The following LIX1L variants were observed in gnomAD, a reference collection of about 807,000 sequenced individuals.
LIX1L encodes LIX1-like protein.
Under a neutral mutation model 34.0 loss-of-function variants are expected in LIX1L, and 20 were observed. The observed-to-expected ratio is 0.59, with a 90% CI of 0.41 to 0.85. The LOEUF is 0.85. LIX1L is among the 40% of genes least tolerant of loss of function. The probability of loss-of-function intolerance (pLI) is 0.00; values close to 1 mark genes in which losing one functional copy is unlikely to be tolerated. For synonymous variants in LIX1L, 170 were observed against 187.4 expected (o/e 0.91, Z 0.76); for missense variants, 397 against 447.0 (o/e 0.89, Z 1.01).
intron 1 of LIX1L, 53 bp from the exon 2 acceptor site, chr1:145,947,835 G>C (rs1483499194): frequency 5.8e-6 from 9 of 1,538,974 alleles, no homozygotes; most frequent in South Asian, 1.1e-5. Context: ...CCTCCACGTG[G>C]TGCTATACTT....
rs141096555 is a variant in LIX1L, at chr1:145,937,851, G to C, written c.598-152C>G. ...AAGTAAAAATAAAGAGGTAAGTCCA[G>C]GTGCAGTGGCTCATGCCTGTAATCC... On this transcript the variant is annotated intron_variant, in intron 3 of 5. Coordinates refer to ENST00000604000, the MANE Select transcript of LIX1L (RefSeq NM_153713.3). 2.7e-3 allele frequency: 1,619 copies of C among 603,504 alleles called. 12 individuals are homozygous for C. Among genetic ancestry groups the C allele is most frequent in the Non-Finnish European group, 2.3e-3 (766 of 326,808 alleles). The allele number at this position is 603,504 out of a possible 1,614,324, so 37.4% of individuals were successfully genotyped here. A position where few individuals can be genotyped will look rare whatever the true frequency, so the allele number is the denominator to read the frequency against.
rs1390067096 is a variant in LIX1L, at chr1:145,957,818, G to T, written c.110C>A (p.Thr37Lys). 4 of 1,393,796 alleles carry T rather than the reference G, an allele frequency of 2.9e-6. No homozygotes were observed. Among genetic ancestry groups the T allele is most frequent in the Non-Finnish European group, 3.7e-6 (4 of 1,076,154 alleles). The allele number at this position is 1,393,796 out of a possible 1,614,324, so 86.3% of individuals were successfully genotyped here. ...GVTGAAAATA[T>K]PPAGPPPAPP... ...GGCAGGCGGGGGGCCCGCAGGGGGT[G>T]TGGCGGTGGCGGCCGCGGCCCCAGT... The change falls in exon 1 of 6, where the codon ACA becomes AAA. Residue 37 changes from threonine (T) to lysine (K), a missense_variant. By Grantham distance (78) the Thr-to-Lys change is moderately conservative. Transcript: ENST00000604000.
intron 2 of LIX1L, chr1:145,944,496 A>G (rs587658739): frequency 2.0e-5 from 3 of 152,352 alleles, no homozygotes; most frequent in African/African-American, 7.2e-5. Flanking sequence ...AAGTCTTCCC[A>G]GTGCTTCAAT....
chr1:145,957,776 G>T lies in LIX1L; in HGVS notation c.152C>A (p.Pro51Gln). 7.5e-7 allele frequency: 1 copy of T among 1,340,582 alleles called. No homozygotes were observed. Among genetic ancestry groups the T allele is most frequent in the South Asian group, 2.0e-5 (1 of 49,400 alleles). The allele number at this position is 1,340,582 out of a possible 1,614,324, so 83.0% of individuals were successfully genotyped here. ...GPPPAPPPPA[P>Q]PPPPLLLSGA... ...AGACAGGAGCAGCGGCGGCGGGGGCGGTGCGGGAGGCGGCGGGGCAGGCGG... is the reference window on the plus strand; with the variant it reads ...AGACAGGAGCAGCGGCGGCGGGGGCTGTGCGGGAGGCGGCGGGGCAGGCGG... The change falls in exon 1 of 6, where the codon CCG (proline) becomes CAG (glutamine). Residue 51 changes from proline to glutamine, a missense_variant. By Grantham distance (76) the Pro-to-Gln change is moderately conservative. Around this residue, in one of 3 missense-constraint regions of LIX1L, gnomAD observed 207 missense variants for 205.2 expected, o/e 1.01. Transcript: ENST00000604000.
chr1:145,936,749 A>G (rs1275751348), intron 5 of LIX1L, among the ~76,000 whole-genome samples, 159 bp downstream of exon 5: 1 of 152,164 alleles, frequency 6.6e-6, no homozygotes, highest in East Asian at 1.9e-4. Flanking sequence ...ATATTTACAC[A>G]GGAAAGATTA....
At position 145,933,775 on chromosome 1, in the gene LIX1L, G is replaced by T. The variant is rs1553757275; in HGVS notation, c.*2535C>A. The T allele has an allele frequency of 6.6e-6, 1 of 151,942 alleles. No individual in the cohort carries two copies. The highest frequency in any genetic ancestry group is 6.6e-5 in the Admixed American group (1 of 15,238). 9.4% of individuals were successfully genotyped at this position (151,942 alleles called of 1,614,324 possible). Reference sequence around the variant, plus strand: ...GTGTTTCATGGAATACAAACATGGGGCTTCTACCCCAGCTCTCTTCTGATT... The same window carrying T: ...GTGTTTCATGGAATACAAACATGGGTCTTCTACCCCAGCTCTCTTCTGATT... On this transcript the variant is annotated 3_prime_UTR_variant, in exon 6 of 6. Coordinates refer to ENST00000604000, the MANE Select transcript of LIX1L (RefSeq NM_153713.3).
chr1:145,935,181 A>C lies in LIX1L; in HGVS notation c.*1129T>G, dbSNP rs1553757594. ...GACTCTGTCTTCCAAAAAAAAAAAA[A>C]AACCACACACACACACAAATAACTG... On this transcript the variant is annotated 3_prime_UTR_variant, in exon 6 of 6. Transcript: ENST00000604000. 1 of 151,976 alleles carries C rather than the reference A, an allele frequency of 6.6e-6. No individual in the cohort carries two copies. Among genetic ancestry groups the C allele is most frequent in the African/African-American group, 2.4e-5 (1 of 41,334 alleles). 9.4% of individuals were successfully genotyped at this position (151,976 alleles called of 1,614,324 possible). A position where few individuals can be genotyped will look rare whatever the true frequency, so the allele number is the denominator to read the frequency against.
At chr1:145,945,275 T>C (rs1319387256) in intron 2 of LIX1L, among the ~76,000 whole-genome samples, 14 of 128,390 alleles carry the variant, frequency 1.1e-4, no homozygotes, top group African/African-American at 4.3e-4. Flanking sequence ...CACTCCAGCC[T>C]GGGCGACAGA....
intron 5 of LIX1L, 73 bp downstream of exon 5, chr1:145,936,835 T>A (rs939116833): frequency 1.0e-5 from 11 of 1,077,280 alleles, no homozygotes; most frequent in African/African-American, 1.5e-5. Context: ...ATTTCTAACA[T>A]AGTAACCACC....
intron 2 of LIX1L, among the ~76,000 whole-genome samples, chr1:145,944,847 G>A (rs1553759044): frequency 6.6e-6 from 1 of 151,988 alleles, no homozygotes. Context: ...AGGAAACATG[G>A]CAAAACTCCA....
chr1:145,948,573 G>T lies in LIX1L; in HGVS notation c.293-791C>A, dbSNP rs1649185848. On this transcript the variant is annotated intron_variant, in intron 1 of 5. Transcript: ENST00000604000. This position sits in a 1 kb window ranked among gnomAD's most constrained non-coding sequence, Gnocchi z 4.0. ...GAGTGAGAGAAGCCAGGGCATGGGG[G>T]TGGGAGAGAAAACTCTTTTGAGGCT... Among the ~76,000 whole-genome samples, 1 of 152,174 alleles carries T rather than the reference G, an allele frequency of 6.6e-6. No homozygotes were observed. The highest frequency in any genetic ancestry group is 2.4e-5 in the African/African-American group (1 of 41,446).
intron 3 of LIX1L, among the ~76,000 whole-genome samples, chr1:145,938,583 C>CA (rs1648759689): frequency 8.2e-6 from 1 of 121,996 alleles, no homozygotes; most frequent in Non-Finnish European, 1.9e-5. Context: ...ATAAAAATTT[C>CA]CTTTTTTTTT....
chr1:145,936,386 C>A lies in LIX1L; in HGVS notation c.938G>T (p.Arg313Leu). The change falls in exon 6 of 6, where the codon CGC becomes CTC. Residue 313 changes from arginine (R) to leucine (L), a missense_variant. Arg to Leu is a moderately radical substitution (Grantham distance 102, BLOSUM62 -2). Around this residue, in one of 3 missense-constraint regions of LIX1L, gnomAD observed 174 missense variants for 204.0 expected, o/e 0.85. Coordinates refer to ENST00000604000, the MANE Select transcript of LIX1L (RefSeq NM_153713.3). ...DEARLAGKEL[R>L]FHKEKKDILV... ...AATATCTTTCTTCTCCTTGTGGAAG[C>A]GCAGCTCCTTGCCTGCCAGTCGGGC... 6.2e-7 allele frequency: 1 copy of A among 1,614,158 alleles called. No individual in the cohort carries two copies. Among genetic ancestry groups the A allele is most frequent in the South Asian group, 1.1e-5 (1 of 91,082 alleles).
At chr1:145,939,638 CTT>C (rs587705670) in intron 3 of LIX1L, among the ~76,000 whole-genome samples, 23 of 132,712 alleles carry the variant, frequency 1.7e-4, no homozygotes, top group Non-Finnish European at 2.1e-4. Flanking sequence ...TTTTCTTTTT[CTT>C]TTTTTTTTTT....
chr1:145,956,473 G>C (rs1008243255), intron 1 of LIX1L, among the ~76,000 whole-genome samples: 5 of 152,140 alleles, frequency 3.3e-5, no homozygotes, highest in African/African-American at 1.2e-4. Flanking sequence ...AGAAACTGAA[G>C]CTCAGTGAAA....
intron 2 of LIX1L, among the ~76,000 whole-genome samples, chr1:145,946,449 G>A (rs587600401): frequency 6.6e-6 from 1 of 151,820 alleles, no homozygotes; most frequent in African/African-American, 2.4e-5. Flanking sequence ...CACCCGCCTC[G>A]GCCTCCCAGA....
intron 1 of LIX1L, among the ~76,000 whole-genome samples, chr1:145,951,107 C>G (rs976422152): frequency 6.6e-6 from 1 of 152,088 alleles, no homozygotes; most frequent in Non-Finnish European, 1.5e-5. Flanking sequence ...AGTGCAGTGG[C>G]GCAATCTTGG....
chr1:145,955,668 C>G (rs957334383), intron 1 of LIX1L, among the ~76,000 whole-genome samples: 3 of 152,198 alleles, frequency 2.0e-5, no homozygotes, highest in Admixed American at 1.3e-4. Flanking sequence ...TTCTGCTTGC[C>G]TGAAGCTGAA....
At chr1:145,951,676 C>G (rs1553759846) in intron 1 of LIX1L, among the ~76,000 whole-genome samples, 1 of 152,198 alleles carries the variant, frequency 6.6e-6, no homozygotes, top group Non-Finnish European at 1.5e-5. Flanking sequence ...GCTCAGCCAT[C>G]TTTGTTCTTT....
Sources: allele counts gnomAD v4.1 joint callset (sites outside exome capture counted in the v4.1 genomes callset), GRCh38; gene constraint gnomAD v4.1.1; regional missense constraint gnomAD v4.1.1; non-coding constraint Gnocchi (gnomAD v3.1); transcripts MANE v1.5; gene names NCBI Gene and HGNC (gene_info 2026-07-23, HGNC 2026-07-21).